MCF2L2: variants seen among roughly 807,000 people sequenced by gnomAD.
MCF2L2 encodes the protein MCF.2 cell line derived transforming sequence-like 2.
A neutral mutation model predicts 150.2 loss-of-function variants in MCF2L2; 102 were observed. The ratio of observed to expected loss-of-function variants is 0.68; its 90% CI spans 0.58 to 0.80. The LOEUF is 0.80. MCF2L2 is among the 30% of genes least tolerant of loss of function. The pLI, the probability that MCF2L2 is intolerant of heterozygous loss-of-function variation, is 0.00. For synonymous variants in MCF2L2, 465 were observed against 491.3 expected, an observed-to-expected ratio of 0.95 and a Z score of 0.71; for missense variants, 1,256 against 1,372.8, an observed-to-expected ratio of 0.91 and a Z score of 1.34.
chr3:183,321,297 G>C (rs1287508789), intron 6 of MCF2L2, among the ~76,000 whole-genome samples: 1 of 152,094 alleles, frequency 6.6e-6, no homozygotes, highest in Non-Finnish European at 1.5e-5. Flanking sequence ...AATTAGCTGG[G>C]CGTGGTGGCG....
At chr3:183,391,327 C>T (rs575970619) in intron 1 of MCF2L2, among the ~76,000 whole-genome samples, 5 of 151,778 alleles carry the variant, frequency 3.3e-5, no homozygotes, top group African/African-American at 1.2e-4. Context: ...CCCCAAGATC[C>T]CCTTCAATGA....
In MCF2L2 at chr3:183,266,588, GA is replaced by G. The variant is rs531215950; in HGVS notation, c.1862+10283del. Among the ~76,000 whole-genome samples the G allele has an allele frequency of 2.0e-3, 312 of 152,320 alleles. 4 individuals are homozygous for G. The highest frequency in any genetic ancestry group is 7.3e-3 in the African/African-American group (303 of 41,562). On this transcript the variant is annotated intron_variant, in intron 15 of 29. Coordinates refer to ENST00000328913, the MANE Select transcript of MCF2L2 (RefSeq NM_015078.4). Reference sequence around the variant, plus strand: ...GGTTGTTATCTGGATGAGCACTGTGGAAAGACTGAGAGAGCAACTGAGAGAA... The same window carrying G: ...GGTTGTTATCTGGATGAGCACTGTGGAAGACTGAGAGAGCAACTGAGAGAA...
At chr3:183,182,929 C>T (rs561179472) in intron 27 of MCF2L2, among the ~76,000 whole-genome samples, 34 of 152,236 alleles carry the variant, frequency 2.2e-4, no homozygotes, top group African/African-American at 7.7e-4. Context: ...GGGCCAGGAC[C>T]GGGGTGTCCT....
rs140701309 is a variant in MCF2L2 at position 183,385,351 on chromosome 3, G to C, written c.160+4345C>G. 3.4e-4 allele frequency among the ~76,000 whole-genome samples: 51 copies of C among 152,216 alleles called. No individual in the cohort carries two copies. In the East Asian group the frequency reaches 9.9e-3, roughly 29 times the overall value. Reference sequence around the variant, plus strand: ...GTCACTAGCTCCATATGTAAGCTAGGAGTTGGGGCTCCGATCTCTTCCTTG... The same window carrying C: ...GTCACTAGCTCCATATGTAAGCTAGCAGTTGGGGCTCCGATCTCTTCCTTG... On this transcript the variant is annotated intron_variant, in intron 2 of 29. Coordinates refer to ENST00000328913, the MANE Select transcript of MCF2L2 (RefSeq NM_015078.4).
chr3:183,311,933 G>C (rs551903282), intron 7 of MCF2L2, among the ~76,000 whole-genome samples, 161 bp from the exon 8 acceptor site: 30 of 152,272 alleles, frequency 2.0e-4, no homozygotes, highest in African/African-American at 7.2e-4. Context: ...TCCTTGACAG[G>C]TAACACACCG....
rs981695754 is a variant in MCF2L2 at position 183,190,916 on chromosome 3, G to A, written c.3016+2083C>T. Among the ~76,000 whole-genome samples, 14 of 152,118 alleles carry A rather than the reference G, an allele frequency of 9.2e-5. No homozygotes were observed. In the South Asian group the frequency reaches 1.5e-3, roughly 16 times the overall value. ...ATTTTATTTTTTGAGAAGGAGTTTC[G>A]CCCTTGTTGCCCAGGCTGGAGTGCA... is the stretch of plus-strand genomic sequence containing the variant. On this transcript the variant is annotated intron_variant, in intron 27 of 29. Coordinates refer to ENST00000328913, the MANE Select transcript of MCF2L2 (RefSeq NM_015078.4).
Position 183,295,325 on chromosome 3 carries a change from T to G in MCF2L2, c.1650A>C (p.Ser550=). The G allele has an allele frequency of 6.2e-7, 1 of 1,609,710 alleles. No homozygotes were observed. Among genetic ancestry groups the G allele is most frequent in the Non-Finnish European group, 8.5e-7 (1 of 1,178,152 alleles). Residue 550 remains serine (S), a synonymous_variant, in exon 13 of 30, where the codon TCA becomes TCC. Transcript: ENST00000328913. ...CCGAGGTGGAGGGCTGGCTGGTTTTTGATGACACCCATTTTGGTGAAGACT... is the reference window on the plus strand; with the variant it reads ...CCGAGGTGGAGGGCTGGCTGGTTTTGGATGACACCCATTTTGGTGAAGACT... ...HPESSPKWVS[S]KTSQPSTSVP...
At chr3:183,281,069 T>A (rs1669291457) in intron 14 of MCF2L2, among the ~76,000 whole-genome samples, 1 of 151,940 alleles carries the variant, frequency 6.6e-6, no homozygotes, top group Admixed American at 6.5e-5. Flanking sequence ...TTCAGCATTT[T>A]CTGGCATTGT....
At chr3:183,409,956 C>T (rs1402695103) in intron 1 of MCF2L2, among the ~76,000 whole-genome samples, 1 of 152,150 alleles carries the variant, frequency 6.6e-6, no homozygotes, top group Non-Finnish European at 1.5e-5. Flanking sequence ...CAGTGAGACA[C>T]CATAGGTCTG....
intron 13 of MCF2L2, 53 bp downstream of exon 13, chr3:183,295,247 T>C (rs902958528): frequency 1.3e-5 from 20 of 1,532,714 alleles, no homozygotes; most frequent in Non-Finnish European, 1.5e-5. Flanking sequence ...ACAGTCCTCA[T>C]GGTGCTGATG....
At chr3:183,220,155 A>G (rs992084793) in intron 20 of MCF2L2, among the ~76,000 whole-genome samples, 1 of 152,228 alleles carries the variant, frequency 6.6e-6, no homozygotes, top group Non-Finnish European at 1.5e-5. Flanking sequence ...TTCTCATTCA[A>G]CCATACCTCA....
chr3:183,306,686 T>A (rs1009184484), intron 10 of MCF2L2, among the ~76,000 whole-genome samples: 1 of 152,252 alleles, frequency 6.6e-6, no homozygotes, highest in Non-Finnish European at 1.5e-5. Flanking sequence ...TGAAATTGAA[T>A]GATGGACACT....
chr3:183,399,802 G>A (rs1714645599), intron 1 of MCF2L2, among the ~76,000 whole-genome samples: 1 of 152,192 alleles, frequency 6.6e-6, no homozygotes, highest in African/African-American at 2.4e-5. Context: ...AGCGTCTCCT[G>A]AACTCCTCCT....
At chr3:183,198,571 T>C (rs976560062) in intron 25 of MCF2L2, among the ~76,000 whole-genome samples, 8 of 152,312 alleles carry the variant, frequency 5.3e-5, no homozygotes, top group East Asian at 1.9e-4. Flanking sequence ...ACTTTAAATA[T>C]GTGTGGTTTA....
intron 19 of MCF2L2, 139 bp downstream of exon 19, chr3:183,223,959 G>A: frequency 1.4e-6 from 1 of 711,102 alleles, no homozygotes; most frequent in Non-Finnish European, 2.5e-6. Context: ...CTTTTCATGT[G>A]TAATTTCAAA....
chr3:183,289,597 T>C (rs1728004306), intron 13 of MCF2L2, among the ~76,000 whole-genome samples: 1 of 152,240 alleles, frequency 6.6e-6, no homozygotes, highest in Non-Finnish European at 1.5e-5. Context: ...GGCTCACACC[T>C]GTAATCCCAG....
chr3:183,395,917 CAAAAA>C (rs11338932), intron 1 of MCF2L2, among the ~76,000 whole-genome samples: 51 of 58,086 alleles, frequency 8.8e-4, no homozygotes, highest in East Asian at 4.0e-3. Context: ...GACATCGTCT[CAAAAA>C]AAAAAAAAAA....
chr3:183,300,585 T>C (rs1728790390), intron 10 of MCF2L2, among the ~76,000 whole-genome samples: 1 of 152,136 alleles, frequency 6.6e-6, no homozygotes, highest in African/African-American at 2.4e-5. Flanking sequence ...ATAAGAGATT[T>C]TGAATACCCC....
intron 7 of MCF2L2, among the ~76,000 whole-genome samples, chr3:183,312,191 A>G (rs757988340): frequency 4.6e-5 from 7 of 152,212 alleles, no homozygotes; most frequent in Non-Finnish European, 7.3e-5. Flanking sequence ...GATCATAAAA[A>G]TACTTCAGTT....
Sources: allele counts gnomAD v4.1 joint callset (sites outside exome capture counted in the v4.1 genomes callset), GRCh38; gene constraint gnomAD v4.1.1; transcripts MANE v1.5; gene names NCBI Gene and HGNC (gene_info 2026-07-23, HGNC 2026-07-21).